Variants in CREB5 observed in about 807,000 individuals in gnomAD.
CREB5 encodes the protein cyclic AMP-responsive element-binding protein 5.
CREB5 carries 19 observed loss-of-function variants against 57.1 expected under a neutral mutation model. The observed-to-expected ratio is 0.33, with a 90% confidence interval of 0.23 to 0.49. The LOEUF (loss-of-function observed/expected upper bound fraction) is 0.49. Ranked by LOEUF, CREB5 falls within the 20% of genes least tolerant of loss-of-function variation. The probability of loss-of-function intolerance (pLI) is 0.99; values close to 1 mark genes in which losing one functional copy is unlikely to be tolerated. For missense variants in CREB5, 579 were observed against 671.6 expected, an observed-to-expected ratio of 0.86 and a Z score of 1.52; for synonymous variants, 238 against 238.3, an observed-to-expected ratio of 1.00 and a Z score of 0.01.
rs535545503 is a variant in CREB5 at position 28,443,706 on chromosome 7, T to G, written c.3+30789T>G. Among the ~76,000 whole-genome samples the G allele has an allele frequency of 1.1e-4, 17 of 152,302 alleles. No individual in the cohort carries two copies. In the East Asian group the frequency reaches 1.2e-3, roughly 10 times the overall value. ...GGCTCTAGGCCACTAACTTGTCCCC[T>G]TACCCACTTAACCCCTCTCCTCCTC... is the stretch of plus-strand genomic sequence containing the variant. On this transcript the variant is annotated intron_variant, in intron 1 of 10. Transcript: ENST00000357727.
At chr7:28,516,398 T>C (rs1418164304) in intron 4 of CREB5, among the ~76,000 whole-genome samples, 1 of 152,202 alleles carries the variant, frequency 6.6e-6, no homozygotes, top group Non-Finnish European at 1.5e-5. Flanking sequence ...TGTATTTTAC[T>C]ACAGCAACAT....
At chr7:28,325,828 A>G (rs1164191884) in intron 1 of CREB5, among the ~76,000 whole-genome samples, 1 of 152,216 alleles carries the variant, frequency 6.6e-6, no homozygotes, top group African/African-American at 2.4e-5. Flanking sequence ...TGTTGTATTC[A>G]ATGGGTTATA....
At chr7:28,421,436 C>A (rs1390627893) in intron 1 of CREB5, among the ~76,000 whole-genome samples, 1 of 151,968 alleles carries the variant, frequency 6.6e-6, no homozygotes, top group South Asian at 2.1e-4. Context: ...TAAGTAAGTT[C>A]TTTAATGGTG....
intron 1 of CREB5, among the ~76,000 whole-genome samples, chr7:28,356,464 G>T (rs906031762): frequency 6.6e-6 from 1 of 152,226 alleles, no homozygotes; most frequent in African/African-American, 2.4e-5. Context: ...TAGAGGTGAA[G>T]TGATACATGT....
intron 1 of CREB5, among the ~76,000 whole-genome samples, chr7:28,299,781 T>C (rs1186881125): frequency 6.6e-6 from 1 of 152,232 alleles, no homozygotes; most frequent in East Asian, 1.9e-4. Flanking sequence ...GTTAGATAGA[T>C]ATATTTTGCA....
chr7:28,377,390 T>C (rs893513739), intron 1 of CREB5, among the ~76,000 whole-genome samples: 12 of 152,214 alleles, frequency 7.9e-5, no homozygotes, highest in Non-Finnish European at 1.6e-4. Context: ...AAATATAATA[T>C]ATTATTAAAA....
chr7:28,342,022 C>T (rs1471427671), intron 1 of CREB5, among the ~76,000 whole-genome samples: 3 of 152,120 alleles, frequency 2.0e-5, no homozygotes, highest in Admixed American at 2.0e-4. Flanking sequence ...GGTTGGAAGA[C>T]AGAATTGTTC....
At chr7:28,451,458 G>A (rs1789801492) in intron 1 of CREB5, among the ~76,000 whole-genome samples, 1 of 19,408 alleles carries the variant, frequency 5.2e-5, no homozygotes, top group Non-Finnish European at 9.7e-5. Flanking sequence ...AACTGTGTGT[G>A]TGTGTGTGTG....
intron 1 of CREB5, among the ~76,000 whole-genome samples, chr7:28,354,770 A>G (rs958544604): frequency 2.0e-5 from 3 of 152,220 alleles, no homozygotes; most frequent in Non-Finnish European, 2.9e-5. Context: ...AGGGGTAGCC[A>G]TGTGACTCAG....
intron 5 of CREB5, among the ~76,000 whole-genome samples, chr7:28,599,503 G>A (rs1796821498): frequency 6.6e-6 from 1 of 152,158 alleles, no homozygotes; most frequent in Non-Finnish European, 1.5e-5. Flanking sequence ...GTATGGGGGT[G>A]GAGGTGGGAA....
At position 28,302,414 on chromosome 7, in the gene CREB5, T is replaced by C. The variant is rs559632765; in HGVS notation, c.-25+2973T>C. Among the ~76,000 whole-genome samples, 143 of 152,360 alleles carry C rather than the reference T, an allele frequency of 9.4e-4. 1 individual carries two copies. Among genetic ancestry groups the C allele is most frequent in the African/African-American group, 3.3e-3 (138 of 41,592 alleles). ...TAAAGCTGAAATTGACAATGGACTT[T>C]AATGTGTTTTTGTCATGTTTACTGT... On this transcript the variant is annotated intron_variant, in intron 1 of 9. Coordinates refer to the CREB5 transcript ENST00000396299.
intron 4 of CREB5, among the ~76,000 whole-genome samples, chr7:28,561,559 CTATT>C (rs1399581245): frequency 2.0e-5 from 3 of 152,186 alleles, no homozygotes; most frequent in East Asian, 3.8e-4. Flanking sequence ...AGGGTTGTCT[CTATT>C]TAACAATTGA....
chr7:28,406,486 G>A (rs1583424742), intron 1 of CREB5, among the ~76,000 whole-genome samples: 1 of 152,218 alleles, frequency 6.6e-6, no homozygotes, highest in South Asian at 2.1e-4. Context: ...AATGGGATGA[G>A]CATCGGGAGA....
At chr7:28,480,715 T>A (rs1256101556) in intron 1 of CREB5, among the ~76,000 whole-genome samples, 1 of 152,242 alleles carries the variant, frequency 6.6e-6, no homozygotes, top group Non-Finnish European at 1.5e-5. Context: ...GTTTTAGAGA[T>A]GTGATGTCTT....
chr7:28,656,890 T>C (rs1799353853), intron 5 of CREB5, among the ~76,000 whole-genome samples: 1 of 152,100 alleles, frequency 6.6e-6, no homozygotes, highest in African/African-American at 2.4e-5. Context: ...TGTGACCCAC[T>C]AGGAAGGTTT....
chr7:28,549,830 A>G (rs143961337), intron 4 of CREB5, among the ~76,000 whole-genome samples: 99 of 152,332 alleles, frequency 6.5e-4, no homozygotes, highest in Middle Eastern at 6.8e-3. Context: ...TACATGCTGC[A>G]AAGCGTGTCA....
At chr7:28,325,323 C>T (rs1243062131) in intron 1 of CREB5, among the ~76,000 whole-genome samples, 4 of 152,026 alleles carry the variant, frequency 2.6e-5, no homozygotes, top group African/African-American at 7.2e-5. Context: ...GGCATGGTGG[C>T]GGGCGCCTGT....
At chr7:28,434,251 A>G (rs1003730356) in intron 1 of CREB5, among the ~76,000 whole-genome samples, 2 of 152,108 alleles carry the variant, frequency 1.3e-5, no homozygotes, top group Non-Finnish European at 2.9e-5. Context: ...AGATAATAAT[A>G]CCTCAAAGGT....
At chr7:28,601,190 G>A (rs1796907475) in intron 5 of CREB5, among the ~76,000 whole-genome samples, 1 of 151,840 alleles carries the variant, frequency 6.6e-6, no homozygotes, top group Non-Finnish European at 1.5e-5. Context: ...TGGAAAGGGG[G>A]GCTCCACATA....
Sources: gnomAD v4.1 joint callset for allele counts (sites outside exome capture counted in the v4.1 genomes callset) on GRCh38, gnomAD v4.1.1 for gene constraint, MANE v1.5 for transcripts, NCBI Gene and HGNC (gene_info 2026-07-23, HGNC 2026-07-21) for gene names.